The following PPARGC1A variants were observed in gnomAD, a reference collection of about 807,000 sequenced individuals.
PPARGC1A encodes the protein PPARG coactivator 1 alpha, also known as peroxisome proliferator-activated receptor gamma coactivator 1-alpha.
In PPARGC1A, 25 loss-of-function variants were observed where a neutral mutation model predicts 88.7. The ratio of observed to expected loss-of-function variants is 0.28; its 90% CI spans 0.21 to 0.39. PPARGC1A has a LOEUF of 0.39. Ranked by LOEUF, PPARGC1A falls within the 10% of genes least tolerant of loss-of-function variation. The pLI, the probability that PPARGC1A is intolerant of heterozygous loss-of-function variation, is 1.00. For missense variants in PPARGC1A, 880 were observed against 968.7 expected (o/e 0.91, Z 1.22); for synonymous variants, 363 against 355.6 (o/e 1.02, Z -0.24).
chr4:24,102,090 T>A, the PPARGC1A span, among the ~76,000 whole-genome samples: 11 of 152,300 alleles, frequency 7.2e-5, no homozygotes, highest in South Asian at 2.3e-3. Flanking sequence ...TGCCCCAACA[T>A]AGCTTCAGCT....
chr4:24,131,190 T>C, the PPARGC1A span, among the ~76,000 whole-genome samples: 1 of 151,446 alleles, frequency 6.6e-6, no homozygotes, highest in East Asian at 1.9e-4. Flanking sequence ...TAAATGTTTG[T>C]TGAATGAGTA....
At chr4:24,185,299 C>T in the PPARGC1A span, among the ~76,000 whole-genome samples, 1 of 152,188 alleles carries the variant, frequency 6.6e-6, no homozygotes, top group Admixed American at 6.5e-5. Flanking sequence ...TTACAATTCT[C>T]AAGTCATATA....
At chr4:23,839,750 G>A (rs189086134) in intron 2 of PPARGC1A, among the ~76,000 whole-genome samples, 57 of 152,188 alleles carry the variant, frequency 3.7e-4, no homozygotes, top group African/African-American at 1.3e-3. Context: ...TACAATCACC[G>A]TGGAAGGAAA....
chr4:24,326,134 G>C, the PPARGC1A span, among the ~76,000 whole-genome samples: 150 of 151,836 alleles, frequency 9.9e-4, no homozygotes, highest in African/African-American at 3.5e-3. Flanking sequence ...CCTCCTTGGC[G>C]ACTGATCATG....
chr4:24,224,783 C>T, the PPARGC1A span, among the ~76,000 whole-genome samples: 6 of 152,112 alleles, frequency 3.9e-5, no homozygotes, highest in African/African-American at 1.4e-4. Flanking sequence ...TGCAAGAGTT[C>T]AGGGAGATGA....
At chr4:24,396,713 C>T in the PPARGC1A span, among the ~76,000 whole-genome samples, 1 of 152,110 alleles carries the variant, frequency 6.6e-6, no homozygotes, top group Non-Finnish European at 1.5e-5. Context: ...CATTGCTCCC[C>T]ACAGCTCACA....
At chr4:24,226,639 G>T in the PPARGC1A span, among the ~76,000 whole-genome samples, 1 of 152,242 alleles carries the variant, frequency 6.6e-6, no homozygotes, top group Non-Finnish European at 1.5e-5. Context: ...AAAGCTGGAG[G>T]AGCTAAGGTA....
the PPARGC1A span, among the ~76,000 whole-genome samples, chr4:24,069,881 G>T: frequency 6.6e-6 from 1 of 152,128 alleles, no homozygotes; most frequent in Admixed American, 6.5e-5. Flanking sequence ...GTTTACAAGT[G>T]GCTTTAGTCC....
At chr4:24,206,384 A>G in the PPARGC1A span, among the ~76,000 whole-genome samples, 5 of 152,244 alleles carry the variant, frequency 3.3e-5, no homozygotes, top group African/African-American at 1.2e-4. Context: ...ACCAATGAAA[A>G]TATGAAGCTG....
At chr4:23,899,582 A>C (rs920155608), upstream of PPARGC1A, among the ~76,000 whole-genome samples, 2 of 152,250 alleles carry the variant, frequency 1.3e-5, no homozygotes, top group Admixed American at 1.3e-4. Context: ...AAATATATCA[A>C]TGAGAATTAA....
the PPARGC1A span, among the ~76,000 whole-genome samples, chr4:24,373,224 C>G: frequency 6.6e-6 from 1 of 152,192 alleles, no homozygotes; most frequent in Non-Finnish European, 1.5e-5. Flanking sequence ...ACAGTCGGGT[C>G]TGGCGATACT....
upstream of PPARGC1A, chr4:23,890,263 A>C: frequency 2.7e-6 from 1 of 364,054 alleles, no homozygotes; most frequent in Non-Finnish European, 4.5e-6. Flanking sequence ...AAAGAAAGGA[A>C]ACACTTAGAC....
In PPARGC1A at chr4:23,812,842, G is replaced by A; in HGVS notation, c.1924C>T (p.His642Tyr). 5 of 1,613,954 alleles carry A rather than the reference G, an allele frequency of 3.1e-6. No individual in the cohort carries two copies. Among genetic ancestry groups the A allele is most frequent in the Non-Finnish European group, 3.4e-6 (4 of 1,179,984 alleles). Residue 642 changes from histidine (H) to tyrosine (Y), a missense_variant, in exon 10 of 13, where the codon CAC becomes TAC. Coordinates refer to ENST00000264867, the MANE Select transcript of PPARGC1A (RefSeq NM_013261.5). Reference protein sequence around the residue: ...PRYDSYEEYQHERLKREEYRR... With the variant: ...PRYDSYEEYQYERLKREEYRR... ...TATTCTTCCCTCTTCAGCCTCTCGTGCTGATATTCCTCGTAGCTGTCATAC... is the reference window on the plus strand; with the variant it reads ...TATTCTTCCCTCTTCAGCCTCTCGTACTGATATTCCTCGTAGCTGTCATAC...
At chr4:24,019,264 C>A in the PPARGC1A span, among the ~76,000 whole-genome samples, 9 of 152,050 alleles carry the variant, frequency 5.9e-5, no homozygotes, top group Admixed American at 5.9e-4. Flanking sequence ...AAAACAGCAC[C>A]AGCAATAATA....
At chr4:23,987,266 T>A in the PPARGC1A span, among the ~76,000 whole-genome samples, 1 of 152,014 alleles carries the variant, frequency 6.6e-6, no homozygotes, top group Non-Finnish European at 1.5e-5. Flanking sequence ...CACAGAGGAA[T>A]CCCTCTGCAC....
chr4:24,460,741 CA>C, the PPARGC1A span, among the ~76,000 whole-genome samples: 1 of 152,194 alleles, frequency 6.6e-6, no homozygotes, highest in Non-Finnish European at 1.5e-5. Context: ...TAAAGGATTT[CA>C]TTAGCACTGC....
At chr4:24,193,918 C>T in the PPARGC1A span, among the ~76,000 whole-genome samples, 2 of 152,074 alleles carry the variant, frequency 1.3e-5, no homozygotes, top group African/African-American at 2.4e-5. Flanking sequence ...CACCTGAGAC[C>T]AGGAGTTCAA....
chr4:24,118,361 C>T, the PPARGC1A span, among the ~76,000 whole-genome samples: 1 of 152,046 alleles, frequency 6.6e-6, no homozygotes, highest in South Asian at 2.1e-4. Flanking sequence ...AAGAAAAAAA[C>T]CCAAACGTTA....
chr4:23,977,894 C>CTGATAAA, the PPARGC1A span, among the ~76,000 whole-genome samples: 1 of 152,092 alleles, frequency 6.6e-6, no homozygotes, highest in Non-Finnish European at 1.5e-5. Context: ...TATAAGCCAC[C>CTGATAAA]TGATAAATTT....
Sources: allele counts gnomAD v4.1 joint callset (sites outside exome capture counted in the v4.1 genomes callset), GRCh38; gene constraint gnomAD v4.1.1; transcripts MANE v1.5; gene names NCBI Gene and HGNC (gene_info 2026-07-23, HGNC 2026-07-21).